Variants in RNF38 observed in about 807,000 individuals in gnomAD.
The protein encoded by RNF38 is ring finger protein 38.
In RNF38, 15 loss-of-function variants were observed where a neutral mutation model predicts 67.2. That is an observed-to-expected ratio of 0.22 (90% confidence interval 0.15 to 0.34). RNF38 has a LOEUF of 0.34. RNF38 is among the 10% of genes least tolerant of loss of function. RNF38 has a pLI of 1.00. For synonymous variants in RNF38, 220 were observed against 218.8 expected (o/e 1.01, Z -0.05); for missense variants, 524 against 639.9 (o/e 0.82, Z 1.95).
At chr9:36,432,292 G>A (rs578166600) in intron 1 of RNF38, among the ~76,000 whole-genome samples, 1 of 152,084 alleles carries the variant, frequency 6.6e-6, no homozygotes, top group South Asian at 2.1e-4. Context: ...GTGCCATTAT[G>A]CCTGGCTAAT....
intron 1 of RNF38, among the ~76,000 whole-genome samples, chr9:36,464,570 C>CA (rs780835186): frequency 0.068 from 7,413 of 108,890 alleles, 529 homozygotes; most frequent in African/African-American, 0.2. Flanking sequence ...GACTCCGTCT[C>CA]AAAAAAAAAA....
At chr9:36,349,181 T>G (rs1324928644) in intron 9 of RNF38, among the ~76,000 whole-genome samples, 1 of 152,252 alleles carries the variant, frequency 6.6e-6, no homozygotes, top group Non-Finnish European at 1.5e-5. Flanking sequence ...ACTGCTCAAG[T>G]GCTCTGATGA....
chr9:36,397,065 A>G (rs1837578738), intron 1 of RNF38, among the ~76,000 whole-genome samples: 1 of 94,674 alleles, frequency 1.1e-5, no homozygotes, highest in Non-Finnish European at 2.5e-5. Flanking sequence ...ATATATACGT[A>G]TATATATGTG....
At chr9:36,396,463 C>T (rs182497765) in intron 1 of RNF38, among the ~76,000 whole-genome samples, 51 of 151,988 alleles carry the variant, frequency 3.4e-4, no homozygotes, top group Middle Eastern at 3.4e-3. Context: ...GTCACCTTTC[C>T]TTTGAGAAGA....
rs1470277985 is a variant in RNF38 at position 36,435,728 on chromosome 9, C to CA, written n.242-11046dup. Among the ~76,000 whole-genome samples, 17 of 151,220 alleles carry CA rather than the reference C, an allele frequency of 1.1e-4. 1 individual carries two copies. The Admixed American group carries it at 1.1e-3, about 10-fold the overall frequency. ...CCCTGCAAGCTCCGCCTCCCGGGTTCACGTCATTCTCCTGCCTCAGCCTCC... is the reference window on the plus strand; with the variant it reads ...CCCTGCAAGCTCCGCCTCCCGGGTTCAACGTCATTCTCCTGCCTCAGCCTCC... On this transcript the variant is annotated intron_variant and non_coding_transcript_variant, in intron 1 of 3. Transcript: ENST00000488058.
intron 1 of RNF38, among the ~76,000 whole-genome samples, chr9:36,394,169 G>A (rs563252432): frequency 6.6e-6 from 1 of 152,272 alleles, no homozygotes; most frequent in South Asian, 2.1e-4. Flanking sequence ...CAGCTACTTG[G>A]GAGGCTGAGG....
At chr9:36,343,512 G>A (rs575028135) in intron 10 of RNF38, among the ~76,000 whole-genome samples, 1 of 152,080 alleles carries the variant, frequency 6.6e-6, no homozygotes, top group African/African-American at 2.4e-5. Flanking sequence ...ACACACTCAA[G>A]ATCATTAGCC....
intron 2 of RNF38, among the ~76,000 whole-genome samples, chr9:36,406,265 C>T (rs1460895552): frequency 6.6e-6 from 1 of 152,202 alleles, no homozygotes. Flanking sequence ...ACCACTTGTC[C>T]AAATGCTGAA....
intron 11 of RNF38, among the ~76,000 whole-genome samples, chr9:36,341,270 T>C (rs1302263876): frequency 6.6e-6 from 1 of 152,202 alleles, no homozygotes; most frequent in African/African-American, 2.4e-5. Context: ...TTTACACATA[T>C]AATGCTTTCC....
At chr9:36,413,529 A>G (rs1460271719) in intron 2 of RNF38, among the ~76,000 whole-genome samples, 1 of 152,242 alleles carries the variant, frequency 6.6e-6, no homozygotes, top group Non-Finnish European at 1.5e-5. Flanking sequence ...TGTACAGAAT[A>G]GGCAAATTCA....
chr9:36,384,272 T>C (rs1020008089), intron 2 of RNF38, among the ~76,000 whole-genome samples: 3 of 152,114 alleles, frequency 2.0e-5, no homozygotes, highest in Non-Finnish European at 4.4e-5. Context: ...ATAGGAAAGA[T>C]ACTAAAACAA....
chr9:36,357,735 T>C, intron 5 of RNF38, 40 bp downstream of exon 5: 1 of 1,571,912 alleles, frequency 6.4e-7, no homozygotes, highest in South Asian at 1.1e-5. Context: ...GCTGGTGTGC[T>C]TAATAGTAAT....
chr9:36,406,352 T>G (rs1187065950), intron 2 of RNF38, among the ~76,000 whole-genome samples: 1 of 152,240 alleles, frequency 6.6e-6, no homozygotes, highest in East Asian at 1.9e-4. Context: ...GTTCTGGACC[T>G]CTACTAATGA....
At chr9:36,407,098 A>G (rs915711658) in intron 2 of RNF38, among the ~76,000 whole-genome samples, 1 of 152,260 alleles carries the variant, frequency 6.6e-6, no homozygotes, top group African/African-American at 2.4e-5. Flanking sequence ...ATCTACAAGC[A>G]TGCTACAACT....
intron 1 of RNF38, among the ~76,000 whole-genome samples, chr9:36,454,045 T>C (rs144959898): frequency 2.0e-5 from 3 of 152,230 alleles, no homozygotes; most frequent in African/African-American, 7.2e-5. Flanking sequence ...TATACTAGTC[T>C]CTCTAAAGCT....
intron 3 of RNF38, chr9:36,372,737 G>T (rs953326658): frequency 2.2e-6 from 1 of 461,920 alleles, no homozygotes; most frequent in Non-Finnish European, 3.8e-6. Context: ...GCTTTTCAAA[G>T]AACTCAAAGC....
At chr9:36,356,733 G>A (rs1834134795) in intron 5 of RNF38, among the ~76,000 whole-genome samples, 1 of 148,800 alleles carries the variant, frequency 6.7e-6, no homozygotes, top group Non-Finnish European at 1.5e-5. Context: ...TATGAAAAAG[G>A]GTTGGGGCGG....
intron 2 of RNF38, among the ~76,000 whole-genome samples, chr9:36,389,804 C>CA (rs1401549400): frequency 6.6e-6 from 1 of 152,194 alleles, no homozygotes; most frequent in African/African-American, 2.4e-5. Flanking sequence ...TCCTACCACT[C>CA]AGAGGCAATT....
chr9:36,381,213 T>C (rs1036158037), intron 2 of RNF38, among the ~76,000 whole-genome samples: 2 of 152,228 alleles, frequency 1.3e-5, no homozygotes, highest in Non-Finnish European at 2.9e-5. Flanking sequence ...CTACAAGGTC[T>C]CTTTACATGA....
Sources: gnomAD v4.1 joint callset for allele counts (sites outside exome capture counted in the v4.1 genomes callset) on GRCh38, gnomAD v4.1.1 for gene constraint, MANE v1.5 for transcripts, NCBI Gene and HGNC (gene_info 2026-07-23, HGNC 2026-07-21) for gene names.